DAP3: variants seen among roughly 807,000 people sequenced by gnomAD.
DAP3 encodes small ribosomal subunit protein mS29.
Under a neutral mutation model 51.9 loss-of-function variants are expected in DAP3, and 28 were observed. The observed-to-expected ratio is 0.54, with a 90% CI of 0.40 to 0.74. The LOEUF (loss-of-function observed/expected upper bound fraction) is 0.74. Ranked by LOEUF, DAP3 falls within the 30% of genes least tolerant of loss-of-function variation. The pLI is 0.00. For missense variants in DAP3, 458 were observed against 483.5 expected, an observed-to-expected ratio of 0.95 and a Z score of 0.49; for synonymous variants, 170 against 170.3, an observed-to-expected ratio of 1.00 and a Z score of 0.01.
At chr1:155,732,336 T>G (rs569394104) in intron 11 of DAP3, 1 of 191,254 alleles carries the variant, frequency 5.2e-6, no homozygotes, top group African/African-American at 2.4e-5. Flanking sequence ...TTCAAGTGAT[T>G]CTCCTGTCTC....
chr1:155,696,216 G>A (rs1373379924), intron 1 of DAP3, among the ~76,000 whole-genome samples: 1 of 152,076 alleles, frequency 6.6e-6, no homozygotes, highest in African/African-American at 2.4e-5. Flanking sequence ...ATTGAGGAGT[G>A]TGAAGTAGGG....
intron 6 of DAP3, among the ~76,000 whole-genome samples, chr1:155,727,204 C>G (rs1052559458): frequency 6.6e-6 from 1 of 152,044 alleles, no homozygotes; most frequent in Admixed American, 6.6e-5. Flanking sequence ...AACAACCCTG[C>G]TTATGTAACA....
chr1:155,688,944 C>A, upstream of DAP3: 1 of 1,612,516 alleles, frequency 6.2e-7, no homozygotes, highest in Non-Finnish European at 8.5e-7. Flanking sequence ...CTGGGTTCGT[C>A]GCCGCGGCGC....
intron 1 of DAP3, among the ~76,000 whole-genome samples, chr1:155,692,450 A>G (rs796104518): frequency 1.4e-5 from 2 of 141,668 alleles, no homozygotes; most frequent in Non-Finnish European, 2.9e-5. Context: ...CTCCAGAGGC[A>G]TCTTCCGCAT....
At chr1:155,699,960 T>C (rs923646141) in intron 1 of DAP3, among the ~76,000 whole-genome samples, 12 of 150,498 alleles carry the variant, frequency 8.0e-5, no homozygotes, top group African/African-American at 2.9e-4. Flanking sequence ...TTTTTTGAGA[T>C]GGAGTCTCGC....
intron 2 of DAP3, among the ~76,000 whole-genome samples, chr1:155,713,880 A>G (rs1227314448): frequency 6.6e-6 from 1 of 152,242 alleles, no homozygotes; most frequent in Non-Finnish European, 1.5e-5. Context: ...ATACTCAGTT[A>G]ACAGTAGGCA....
At chr1:155,695,665 T>C (rs1558334253) in intron 1 of DAP3, among the ~76,000 whole-genome samples, 1 of 152,232 alleles carries the variant, frequency 6.6e-6, no homozygotes, top group Non-Finnish European at 1.5e-5. Flanking sequence ...TTAAGGCAGT[T>C]TCAATATGCT....
chr1:155,736,953 T>G lies in DAP3; in HGVS notation c.1001T>G (p.Phe334Cys). The G allele has an allele frequency of 6.2e-7, 1 of 1,613,106 alleles. No homozygotes were observed. The highest frequency in any genetic ancestry group is 1.1e-5 in the South Asian group (1 of 91,070). ...LPQELLGKEG[F>C]DALDPFIPIL... ...ATCCTTTTTCTTCCCCAGGAAGGAT[T>G]TGATGCCCTGGATCCCTTTATTCCC... is the stretch of plus-strand genomic sequence containing the variant. The change falls in exon 12 of 13, where the codon TTT becomes TGT. Residue 334 changes from phenylalanine to cysteine, a missense_variant. Physicochemically the swap from Phe to Cys is radical, Grantham distance 205 (BLOSUM62 -2). Coordinates refer to ENST00000368336, the MANE Select transcript of DAP3 (RefSeq NM_004632.4).
chr1:155,717,153 G>A, intron 3 of DAP3, 25 bp downstream of exon 3: 1 of 1,606,498 alleles, frequency 6.2e-7, no homozygotes, highest in Non-Finnish European at 8.5e-7. Context: ...TGTATATGGG[G>A]TTTCTCAGGG....
upstream of DAP3, chr1:155,688,178 G>A: frequency 6.2e-7 from 1 of 1,614,042 alleles, no homozygotes; most frequent in Non-Finnish European, 8.5e-7. Flanking sequence ...CCGCTTGTCA[G>A]GAGGCGGCCA....
Position 155,727,516 on chromosome 1 carries a change from G to A in DAP3, c.473-92G>A. 5.6e-6 allele frequency: 7 copies of A among 1,239,962 alleles called. No individual in the cohort carries two copies. The South Asian group carries it at 6.7e-5, about 12-fold the overall frequency. The allele number at this position is 1,239,962 out of a possible 1,614,324, so 76.8% of individuals were successfully genotyped here. On this transcript the variant is annotated intron_variant, in intron 6 of 12. Coordinates refer to ENST00000368336, the MANE Select transcript of DAP3 (RefSeq NM_004632.4). ...AGAAATATATATATGAGAAACTAAAGTCATTTCCCATAACTTAAAAGAGGC... is the reference window on the plus strand; with the variant it reads ...AGAAATATATATATGAGAAACTAAAATCATTTCCCATAACTTAAAAGAGGC...
chr1:155,688,312 C>T, upstream of DAP3: 2 of 1,561,300 alleles, frequency 1.3e-6, no homozygotes, highest in African/African-American at 1.4e-5. Flanking sequence ...GCAAAGCGAA[C>T]CCAAAATGGC....
chr1:155,700,674 AC>A (rs1655107868), intron 1 of DAP3, among the ~76,000 whole-genome samples: 1 of 113,434 alleles, frequency 8.8e-6, no homozygotes, highest in South Asian at 3.2e-4. Context: ...CCGGCCAGCC[AC>A]CCCGTCCGGG....
In DAP3 at chr1:155,717,127, C is replaced by G; in HGVS notation, c.167C>G (p.Pro56Arg). ...ATTTCCCGCACCAATGAGAATGACC[C>G]GGTGAGTTACTAATATGTATATGGG... ...RAISRTNEND[P>R]AKHGDQHEGQ... The change falls in exon 3 of 13, where the codon CCG becomes CGG. Residue 56 changes from proline (P) to arginine (R), a missense_variant and splice_region_variant. Transcript: ENST00000368336. 6.2e-7 allele frequency: 1 copy of G among 1,613,778 alleles called. No homozygotes were observed. The highest frequency in any genetic ancestry group is 8.5e-7 in the Non-Finnish European group (1 of 1,179,920).
chr1:155,688,212 T>C (rs746952559), upstream of DAP3: 3 of 1,613,630 alleles, frequency 1.9e-6, no homozygotes, highest in South Asian at 3.3e-5. Context: ...CTGGCGGAAA[T>C]GCGAGAGAGG....
In DAP3 at chr1:155,708,566, G is replaced by C. The variant is rs572754519; in HGVS notation, c.-7-1207G>C. Among the ~76,000 whole-genome samples, 33 of 124,034 alleles carry C rather than the reference G, an allele frequency of 2.7e-4. 1 individual carries two copies. The South Asian group carries it at 8.3e-3, about 31-fold the overall frequency. 81.4% of individuals were successfully genotyped at this position (124,034 alleles called of 152,430 possible). A position where few individuals can be genotyped will look rare whatever the true frequency, so the allele number is the denominator to read the frequency against. On this transcript the variant is annotated intron_variant, in intron 1 of 12. Transcript: ENST00000368336. ...TTTTTTTTTTTTTTTTTTTGAGACA[G>C]AGTCTCACTCTGTCACCTGGGCTAG...
chr1:155,703,188 C>A (rs1655524670), intron 1 of DAP3, among the ~76,000 whole-genome samples: 1 of 152,092 alleles, frequency 6.6e-6, no homozygotes, highest in Admixed American at 6.6e-5. Flanking sequence ...CATTTTCACG[C>A]TGCTGATAAA....
Position 155,691,935 on chromosome 1 carries a change from C to G in DAP3, c.-8+2761C>G, listed in dbSNP as rs545594882. On this transcript the variant is annotated intron_variant, in intron 1 of 12. Transcript: ENST00000368336. ...GTTCATAAAGGTGGGAGCCAGGGGG[C>G]CAGTTGCAAAATGGAGGCTGCAAAA... Among the ~76,000 whole-genome samples, 34 of 141,372 alleles carry G rather than the reference C, an allele frequency of 2.4e-4. 3 individuals carry two copies. Among genetic ancestry groups the G allele is most frequent in the Admixed American group, 8.0e-4 (12 of 15,064 alleles). The allele number at this position is 141,372 out of a possible 152,430, so 92.7% of individuals were successfully genotyped here.
At chr1:155,728,826 C>CTGA (rs2149192545) in intron 7 of DAP3, among the ~76,000 whole-genome samples, 1 of 149,976 alleles carries the variant, frequency 6.7e-6, no homozygotes, top group South Asian at 2.1e-4. Context: ...TGCCACTGCA[C>CTGA]TTCAGCCTGG....
Sources: gnomAD v4.1 joint callset for allele counts (sites outside exome capture counted in the v4.1 genomes callset) on GRCh38, gnomAD v4.1.1 for gene constraint, MANE v1.5 for transcripts, NCBI Gene and HGNC (gene_info 2026-07-23, HGNC 2026-07-21) for gene names.